ARCN1: variants seen among roughly 807,000 people sequenced by gnomAD.
ARCN1 encodes coatomer subunit delta.
ARCN1 carries 5 observed loss-of-function variants against 60.4 expected under a neutral mutation model. The ratio of observed to expected loss-of-function variants is 0.08; its 90% CI spans 0.04 to 0.17. ARCN1 has a LOEUF of 0.17. Ranked by LOEUF, ARCN1 falls within the 10% of genes least tolerant of loss-of-function variation. The pLI, the probability that ARCN1 is intolerant of heterozygous loss-of-function variation, is 1.00. For synonymous variants in ARCN1, 224 were observed against 220.0 expected (o/e 1.02, Z -0.16); for missense variants, 464 against 626.5 (o/e 0.74, Z 2.77).
chr11:118,595,826 G>T (rs1241925966), intron 8 of ARCN1, among the ~76,000 whole-genome samples: 1 of 152,178 alleles, frequency 6.6e-6, no homozygotes, highest in Non-Finnish European at 1.5e-5. Context: ...CCAGCACTTT[G>T]GGAGGCCGAG....
chr11:118,589,186 A>G (rs1244452959), intron 5 of ARCN1, among the ~76,000 whole-genome samples: 2 of 152,162 alleles, frequency 1.3e-5, no homozygotes, highest in African/African-American at 4.8e-5. Context: ...TTAATGGTTC[A>G]GGGAAAAAAA....
intron 1 of ARCN1, among the ~76,000 whole-genome samples, chr11:118,576,859 C>G (rs1313380060): frequency 1.3e-5 from 2 of 152,048 alleles, no homozygotes; most frequent in African/African-American, 4.8e-5. Context: ...ATGATTTTAC[C>G]CTACTTCTTT....
intron 2 of ARCN1, among the ~76,000 whole-genome samples, chr11:118,582,675 G>A (rs988299345): frequency 1.3e-5 from 2 of 149,794 alleles, no homozygotes; most frequent in Non-Finnish European, 1.5e-5. Context: ...GCAGTGAGCC[G>A]AGATCGTGCC....
In ARCN1 at chr11:118,598,418, A is replaced by G. The variant is rs561362954; in HGVS notation, c.1446+507A>G. ...CCCTTTATTAGTACAAATAATCATG[A>G]GCCAATTCTGTTGCAAACTCTGTCC... On this transcript the variant is annotated intron_variant, in intron 9 of 9. Coordinates refer to ENST00000264028, the MANE Select transcript of ARCN1 (RefSeq NM_001655.5). 7.9e-5 allele frequency among the ~76,000 whole-genome samples: 12 copies of G among 151,682 alleles called. No homozygotes were observed. The South Asian group carries it at 2.3e-3, about 29-fold the overall frequency.
intron 1 of ARCN1, 33 bp downstream of exon 1, chr11:118,572,583 G>T: frequency 6.2e-7 from 1 of 1,600,226 alleles, no homozygotes; most frequent in South Asian, 1.1e-5. Context: ...AACTCCTGGG[G>T]TCCGAGCCTC....
chr11:118,600,773 A>C lies in ARCN1; in HGVS notation c.*59A>C, dbSNP rs1939130116. 1 of 1,205,984 alleles carries C rather than the reference A, an allele frequency of 8.3e-7. No individual in the cohort carries two copies. Among genetic ancestry groups the C allele is most frequent in the Non-Finnish European group, 1.2e-6 (1 of 838,924 alleles). The allele number at this position is 1,205,984 out of a possible 1,614,324, so 74.7% of individuals were successfully genotyped here. The stretch of plus-strand genomic sequence containing the variant: ...CAGATTAATAAAGAAGACGCCAATG[A>C]TGGCTGAAGAGTTTTTCCCAGATTT... On this transcript the variant is annotated 3_prime_UTR_variant, in exon 10 of 10. Transcript: ENST00000264028.
rs573092941 is a variant in ARCN1, at chr11:118,575,030, G to A, written c.3+2480G>A. 1.4e-4 allele frequency among the ~76,000 whole-genome samples: 21 copies of A among 152,292 alleles called. No individual in the cohort carries two copies. In the East Asian group the frequency reaches 3.9e-3, roughly 28 times the overall value. ...ATTCTCGCTCTGTCTCCAGGCTGGA[G>A]TGCAGTGGCACAATCTCAGCTCACT... On this transcript the variant is annotated intron_variant, in intron 1 of 9. Transcript: ENST00000264028.
chr11:118,576,151 AT>A (rs1479672702), intron 1 of ARCN1, among the ~76,000 whole-genome samples: 1 of 151,548 alleles, frequency 6.6e-6, no homozygotes, highest in Non-Finnish European at 1.5e-5. Flanking sequence ...CAGAAACCTA[AT>A]TCTCCAGGTT....
At chr11:118,588,514 G>A (rs1411201761) in intron 5 of ARCN1, among the ~76,000 whole-genome samples, 2 of 152,216 alleles carry the variant, frequency 1.3e-5, no homozygotes, top group Non-Finnish European at 2.9e-5. Flanking sequence ...GTCAACTGAC[G>A]AAATTGACAT....
Position 118,593,906 on chromosome 11 carries a change from AATG to A in ARCN1, c.1241+210_1241+212del, listed in dbSNP as rs1477516729. 5 of 397,876 alleles carry A rather than the reference AATG, an allele frequency of 1.3e-5. No homozygotes were observed. In the East Asian group the frequency reaches 2.2e-4, roughly 18 times the overall value. 24.6% of individuals were successfully genotyped at this position (397,876 alleles called of 1,614,324 possible). On this transcript the variant is annotated intron_variant, in intron 8 of 9. Transcript: ENST00000264028. ...GGAAAAGGTAATACTATTGAATAAA[AATG>A]AGGAGGTAGAGAAGAAGGTACTTCA...
intron 1 of ARCN1, chr11:118,573,576 T>G: frequency 3.1e-6 from 2 of 653,102 alleles, no homozygotes; most frequent in Admixed American, 4.7e-5. Context: ...TTTAGTCTTT[T>G]GAAGGATGTT....
At chr11:118,596,623 A>G (rs1454742068) in intron 8 of ARCN1, among the ~76,000 whole-genome samples, 1 of 152,158 alleles carries the variant, frequency 6.6e-6, no homozygotes, top group Non-Finnish European at 1.5e-5. Context: ...CCCTATCCCT[A>G]ATATAAACAT....
In ARCN1 at chr11:118,581,334, G is replaced by T; in HGVS notation, c.92G>T (p.Gly31Val). The change falls in exon 2 of 10, where the codon GGC becomes GTC. Residue 31 changes from glycine to valine, a missense_variant. Physicochemically the swap from Gly to Val is moderately radical, Grantham distance 109. Around this residue, in one of 2 missense-constraint regions of ARCN1, gnomAD observed 105 missense variants for 186.3 expected, o/e 0.56. Transcript: ENST00000264028. Reference sequence around the variant, plus strand: ...GAAATGACCCGAACTCGGATTGAGGGCTTATTAGCAGCTTTTCCAAAGCTC... The same window carrying T: ...GAAATGACCCGAACTCGGATTGAGGTCTTATTAGCAGCTTTTCCAAAGCTC... ...FVEMTRTRIE[G>V]LLAAFPKLMN... 1 of 1,614,184 alleles carries T rather than the reference G, an allele frequency of 6.2e-7. No homozygotes were observed. Among genetic ancestry groups the T allele is most frequent in the Non-Finnish European group, 8.5e-7 (1 of 1,180,036 alleles).
chr11:118,573,790 A>G, intron 1 of ARCN1: 2 of 550,866 alleles, frequency 3.6e-6, no homozygotes, highest in South Asian at 2.2e-5. Flanking sequence ...TCAGGTATAT[A>G]AATTGCATCA....
In ARCN1 at chr11:118,601,611, G is replaced by C; in HGVS notation, c.*897G>C. On this transcript the variant is annotated 3_prime_UTR_variant, in exon 10 of 10. Transcript: ENST00000264028. ...GGACTATTCAGGTGAACTATTTGAG[G>C]GGTATGGGGTCTAGAAGTTAAAAGA... 1 of 702,666 alleles carries C rather than the reference G, an allele frequency of 1.4e-6. No homozygotes were observed. Among genetic ancestry groups the C allele is most frequent in the Non-Finnish European group, 2.6e-6 (1 of 384,862 alleles). The allele number at this position is 702,666 out of a possible 1,614,324, so 43.5% of individuals were successfully genotyped here.
In ARCN1 at chr11:118,593,795, C is replaced by A. The variant is rs1052376900; in HGVS notation, c.1241+97C>A. 3 of 651,852 alleles carry A rather than the reference C, an allele frequency of 4.6e-6. No homozygotes were observed. The African/African-American group carries it at 5.5e-5, about 12-fold the overall frequency. The allele number at this position is 651,852 out of a possible 1,614,324, so 40.4% of individuals were successfully genotyped here. Reference sequence around the variant, plus strand: ...CACCTACCTGACCTGACTGTCCATTCAAAGATACTTCTTTAAAAAGCTAGT... The same window carrying A: ...CACCTACCTGACCTGACTGTCCATTAAAAGATACTTCTTTAAAAAGCTAGT... On this transcript the variant is annotated intron_variant, in intron 8 of 9. Coordinates refer to ENST00000264028, the MANE Select transcript of ARCN1 (RefSeq NM_001655.5).
chr11:118,591,700 T>C (rs1938912502), intron 6 of ARCN1, among the ~76,000 whole-genome samples: 1 of 151,754 alleles, frequency 6.6e-6, no homozygotes, highest in South Asian at 2.1e-4. Context: ...CCTTCTGGGT[T>C]TTTTTTGTTT....
chr11:118,583,108 A>G, intron 2 of ARCN1, 71 bp from the exon 3 acceptor site: 1 of 1,520,778 alleles, frequency 6.6e-7, no homozygotes, highest in East Asian at 2.3e-5. Context: ...ATGTACTCTA[A>G]AGGATAAGAC....
chr11:118,582,143 C>CT lies in ARCN1; in HGVS notation c.267+644dup, dbSNP rs1276325016. Among the ~76,000 whole-genome samples the CT allele has an allele frequency of 2.3e-3, 345 of 149,130 alleles. 2 individuals carry two copies. The highest frequency in any genetic ancestry group is 8.1e-3 in the African/African-American group (330 of 40,878). On this transcript the variant is annotated intron_variant, in intron 2 of 9. Coordinates refer to ENST00000264028, the MANE Select transcript of ARCN1 (RefSeq NM_001655.5). Reference sequence around the variant, plus strand: ...TGGGCAACACAGCAAGACCCTGATTCTTTTTTTTTTAAAGACGGAGTCTCG... The same window carrying CT: ...TGGGCAACACAGCAAGACCCTGATTCTTTTTTTTTTTAAAGACGGAGTCTCG...
Sources: gnomAD v4.1 joint callset for allele counts (sites outside exome capture counted in the v4.1 genomes callset) on GRCh38, gnomAD v4.1.1 for gene constraint, gnomAD v4.1.1 regional missense constraint, MANE v1.5 for transcripts, NCBI Gene and HGNC (gene_info 2026-07-23, HGNC 2026-07-21) for gene names.